Variants in RANBP17 observed in about 807,000 individuals in gnomAD.
The protein encoded by RANBP17 is RAN binding protein 17.
A neutral mutation model predicts 141.2 loss-of-function variants in RANBP17; 158 were observed. That is an observed-to-expected ratio of 1.12 (90% CI 0.98 to 1.28). RANBP17 has a LOEUF of 1.28. Ranked by LOEUF, RANBP17 falls within the 50% of genes most tolerant of loss-of-function variation. RANBP17 has a pLI of 0.00. For synonymous variants in RANBP17, 430 were observed against 450.0 expected (o/e 0.96, Z 0.56); for missense variants, 1,438 against 1,290.7 (o/e 1.11, Z -1.75).
Position 171,213,640 on chromosome 5 carries a change from G to T in RANBP17, c.2241G>T (p.Thr747=), listed in dbSNP as rs769532187. The T allele has an allele frequency of 1.2e-6, 2 of 1,612,856 alleles. No homozygotes were observed. Among genetic ancestry groups the T allele is most frequent in the South Asian group, 1.1e-5 (1 of 91,030 alleles). The change falls in exon 21 of 28, where the codon ACG becomes ACT. Residue 747 remains threonine (T), a synonymous_variant. Transcript: ENST00000523189. ...YTMLFDWMYP[T]YLPLLQNAVE... ...ACAGGCTTTATAAAAGGTACCCAAC[G>T]TACCTTCCCCTTCTTCAGAATGCTG...
chr5:171,126,249 A>C (rs1389520246), intron 14 of RANBP17, among the ~76,000 whole-genome samples: 1 of 152,202 alleles, frequency 6.6e-6, no homozygotes, highest in African/African-American at 2.4e-5. Context: ...TAAAGAAGGA[A>C]ATTTTTAAAA....
At chr5:171,120,949 T>G (rs1048099646) in intron 14 of RANBP17, among the ~76,000 whole-genome samples, 1 of 152,204 alleles carries the variant, frequency 6.6e-6, no homozygotes, top group African/African-American at 2.4e-5. Flanking sequence ...GTTTGGTGGC[T>G]TTGGTTTTAT....
rs578190381 is a variant in RANBP17, at chr5:170,994,989, A to T, written c.1710+26612A>T. ...AATAATAACATTGCCTTTATAACTG[A>T]TACCTATTCAAGGCCTATAAAGACA... On this transcript the variant is annotated intron_variant, in intron 14 of 27. Coordinates refer to ENST00000523189, the MANE Select transcript of RANBP17 (RefSeq NM_022897.5). Among the ~76,000 whole-genome samples, 7 of 152,178 alleles carry T rather than the reference A, an allele frequency of 4.6e-5. No homozygotes were observed. In the South Asian group the frequency reaches 1.5e-3, roughly 32 times the overall value.
chr5:170,998,290 G>A (rs1347254127), intron 14 of RANBP17, among the ~76,000 whole-genome samples: 1 of 152,026 alleles, frequency 6.6e-6, no homozygotes. Context: ...GAACATAATG[G>A]TCACGTTGGA....
intron 14 of RANBP17, among the ~76,000 whole-genome samples, chr5:171,092,709 A>T (rs1232052000): frequency 6.6e-6 from 1 of 152,210 alleles, no homozygotes; most frequent in Non-Finnish European, 1.5e-5. Flanking sequence ...TATGATAGTG[A>T]CATGATCATT....
intron 12 of RANBP17, among the ~76,000 whole-genome samples, chr5:170,925,754 T>C (rs1185844377): frequency 6.6e-6 from 1 of 151,076 alleles, no homozygotes; most frequent in African/African-American, 2.4e-5. Flanking sequence ...AAATAATACA[T>C]GATATTGCAT....
intron 14 of RANBP17, among the ~76,000 whole-genome samples, chr5:170,997,651 G>C (rs969906523): frequency 2.0e-5 from 3 of 152,138 alleles, no homozygotes; most frequent in African/African-American, 7.2e-5. Context: ...TGTTAGAAAA[G>C]CGTATACTAA....
At chr5:171,056,558 A>G (rs1268556796) in intron 14 of RANBP17, among the ~76,000 whole-genome samples, 2 of 152,186 alleles carry the variant, frequency 1.3e-5, no homozygotes, top group Non-Finnish European at 1.5e-5. Flanking sequence ...CCAATAACAT[A>G]TTCAAACAAA....
At chr5:170,945,021 C>T (rs533385062) in intron 12 of RANBP17, among the ~76,000 whole-genome samples, 2 of 152,346 alleles carry the variant, frequency 1.3e-5, no homozygotes, top group African/African-American at 4.8e-5. Context: ...GTCTCTCTCT[C>T]CCCTGCCCCA....
At chr5:170,920,701 A>G (rs937670433) in intron 11 of RANBP17, among the ~76,000 whole-genome samples, 2 of 152,212 alleles carry the variant, frequency 1.3e-5, no homozygotes, top group African/African-American at 4.8e-5. Flanking sequence ...GAACTAATTT[A>G]CATTCCCACC....
intron 22 of RANBP17, among the ~76,000 whole-genome samples, chr5:171,228,712 C>G (rs956973550): frequency 6.6e-6 from 1 of 152,180 alleles, no homozygotes; most frequent in Non-Finnish European, 1.5e-5. Context: ...CCACCTCAAC[C>G]TTTGGCCACT....
At chr5:171,130,237 C>T (rs1268727958) in intron 14 of RANBP17, among the ~76,000 whole-genome samples, 2 of 151,888 alleles carry the variant, frequency 1.3e-5, no homozygotes, top group African/African-American at 2.4e-5. Flanking sequence ...AACCACCCAC[C>T]GAAATACAAG....
intron 14 of RANBP17, among the ~76,000 whole-genome samples, chr5:171,084,732 ATG>A (rs1283043237): frequency 8.5e-5 from 3 of 35,216 alleles, no homozygotes; most frequent in African/African-American, 2.6e-4. Context: ...GCATTTTTTC[ATG>A]TGTTTTTTGG....
In RANBP17 at chr5:171,293,914, T is replaced by C. The variant is rs1403222101; in HGVS notation, c.2975T>C (p.Phe992Ser). Residue 992 changes from phenylalanine (F) to serine (S), a missense_variant, in exon 26 of 28, where the codon TTT becomes TCT. By Grantham distance (155) the Phe-to-Ser change is radical. Coordinates refer to ENST00000523189, the MANE Select transcript of RANBP17 (RefSeq NM_022897.5). The part of the protein sequence containing the change: ...MMSVLMNTIV[F>S]EDCRNQWSVS... ...TCTGTCCTCATGAACACCATTGTCT[T>C]TGAAGACTGTCGGAACCAGTGGTCA... 6.2e-7 allele frequency: 1 copy of C among 1,613,900 alleles called. No individual in the cohort carries two copies. Among genetic ancestry groups the C allele is most frequent in the Non-Finnish European group, 8.5e-7 (1 of 1,179,794 alleles).
chr5:171,101,871 A>T (rs575793299), intron 14 of RANBP17, among the ~76,000 whole-genome samples: 1 of 152,218 alleles, frequency 6.6e-6, no homozygotes, highest in Non-Finnish European at 1.5e-5. Flanking sequence ...TTGGCTGGAT[A>T]TGAAATTCTG....
chr5:170,916,808 CG>C (rs1561887461), intron 9 of RANBP17, among the ~76,000 whole-genome samples: 2 of 151,514 alleles, frequency 1.3e-5, no homozygotes, highest in East Asian at 3.9e-4. Context: ...CTCTACCTCC[CG>C]GGTTCGAGTG....
intron 5 of RANBP17, chr5:170,897,002 TA>T: frequency 1.8e-6 from 2 of 1,110,038 alleles, no homozygotes; most frequent in East Asian, 2.9e-5. Context: ...GACCTGGCAC[TA>T]AGGGAGCACG....
intron 14 of RANBP17, among the ~76,000 whole-genome samples, chr5:170,994,355 A>ATTT (rs1423376610): frequency 6.6e-6 from 1 of 152,066 alleles, no homozygotes; most frequent in African/African-American, 2.4e-5. Flanking sequence ...AGTGCTGCTT[A>ATTT]TTTTTGCCTG....
Position 171,037,430 on chromosome 5 carries a change from C to T in RANBP17, c.1710+69053C>T, listed in dbSNP as rs373108236. Among the ~76,000 whole-genome samples the T allele has an allele frequency of 5.3e-5, 8 of 152,212 alleles. No individual in the cohort carries two copies. In the East Asian group the frequency reaches 1.3e-3, roughly 26 times the overall value. ...GATAGTTTCTTTTGCTGTGCAGAAG[C>T]TCTATAGTTTCATTAGGTTCCATTT... On this transcript the variant is annotated intron_variant, in intron 14 of 27. Transcript: ENST00000523189.
Sources: allele counts gnomAD v4.1 joint callset (sites outside exome capture counted in the v4.1 genomes callset), GRCh38; gene constraint gnomAD v4.1.1; transcripts MANE v1.5; gene names NCBI Gene and HGNC (gene_info 2026-07-23, HGNC 2026-07-21).